The following RBKS variants were observed in gnomAD, a reference collection of about 807,000 sequenced individuals.
RBKS encodes ribokinase.
In RBKS, 33 loss-of-function variants were observed where a neutral mutation model predicts 33.9. The ratio of observed to expected loss-of-function variants is 0.97; its 90% confidence interval spans 0.74 to 1.30. RBKS has a LOEUF of 1.30. RBKS is among the 50% of genes most tolerant of loss of function. RBKS has a pLI of 0.00. For synonymous variants in RBKS, 125 were observed against 143.0 expected (o/e 0.87, Z 0.90); for missense variants, 361 against 392.6 (o/e 0.92, Z 0.68).
intron 1 of RBKS, among the ~76,000 whole-genome samples, chr2:27,860,603 T>A (rs1663956389): frequency 6.6e-6 from 1 of 152,272 alleles, no homozygotes. Flanking sequence ...TGTATATATA[T>A]ATGTGGGGGA....
intron 5 of RBKS, among the ~76,000 whole-genome samples, chr2:27,842,544 T>C (rs1235083581): frequency 6.6e-6 from 1 of 152,200 alleles, no homozygotes; most frequent in Non-Finnish European, 1.5e-5. Context: ...CCCAGTTACT[T>C]TTGTATGTAT....
intron 1 of RBKS, among the ~76,000 whole-genome samples, chr2:27,875,022 A>G (rs1159048280): frequency 6.6e-6 from 1 of 152,218 alleles, no homozygotes; most frequent in African/African-American, 2.4e-5. Context: ...AAAAATGGAC[A>G]AAGGACCCAT....
chr2:27,793,107 G>A (rs750777140), intron 7 of RBKS, among the ~76,000 whole-genome samples: 2 of 152,130 alleles, frequency 1.3e-5, no homozygotes, highest in Non-Finnish European at 2.9e-5. Flanking sequence ...CACATTAAAT[G>A]TTATTAAGAA....
chr2:27,845,785 G>A (rs1222608637), intron 4 of RBKS, among the ~76,000 whole-genome samples: 3 of 152,202 alleles, frequency 2.0e-5, no homozygotes, highest in Non-Finnish European at 4.4e-5. Context: ...AAGACACATT[G>A]TGACAAATCC....
At chr2:27,847,797 G>C (rs1189058167) in intron 3 of RBKS, among the ~76,000 whole-genome samples, 1 of 152,150 alleles carries the variant, frequency 6.6e-6, no homozygotes, top group Non-Finnish European at 1.5e-5. Context: ...CTTGTCATTT[G>C]TCACATGTTC....
rs56063622 is a variant in RBKS, at chr2:27,801,464, TACACACACAC to T, written c.796-19686_796-19677del. ...AAATGCTCTCCAAAGGGCCACAGTA[TACACACACAC>T]ACACACACACACACACACACACACA... On this transcript the variant is annotated intron_variant, in intron 7 of 7. Transcript: ENST00000302188. Among the ~76,000 whole-genome samples the T allele has an allele frequency of 1.5e-3, 201 of 136,338 alleles. 2 individuals carry two copies. In the South Asian group the frequency reaches 0.029, roughly 20 times the overall value. The allele number at this position is 136,338 out of a possible 152,430, so 89.4% of individuals were successfully genotyped here.
intron 1 of RBKS, among the ~76,000 whole-genome samples, chr2:27,881,129 G>A (rs1325499339): frequency 6.6e-6 from 1 of 152,100 alleles, no homozygotes; most frequent in African/African-American, 2.4e-5. Flanking sequence ...TGTGCCTGCG[G>A]TTCCAGCTAT....
chr2:27,814,948 T>TA (rs142921279), intron 7 of RBKS, among the ~76,000 whole-genome samples: 2,355 of 152,312 alleles, frequency 0.015, 32 homozygotes, highest in South Asian at 0.054. Flanking sequence ...CACGTACACA[T>TA]AAGCACATGA....
intron 1 of RBKS, among the ~76,000 whole-genome samples, chr2:27,868,707 T>C (rs1049620883): frequency 4.6e-5 from 7 of 152,216 alleles, no homozygotes; most frequent in Non-Finnish European, 8.8e-5. Flanking sequence ...TCGTGGTCTC[T>C]TGACACTGTT....
At chr2:27,877,233 C>A (rs1428869416) in intron 1 of RBKS, among the ~76,000 whole-genome samples, 1 of 151,858 alleles carries the variant, frequency 6.6e-6, no homozygotes, top group East Asian at 1.9e-4. Context: ...TCCCCGACAA[C>A]ACTTTACACA....
At chr2:27,830,273 T>A (rs1678395260) in intron 6 of RBKS, among the ~76,000 whole-genome samples, 1 of 152,188 alleles carries the variant, frequency 6.6e-6, no homozygotes, top group South Asian at 2.1e-4. Flanking sequence ...TTAAGCTTTT[T>A]TTTTTTGAGA....
At chr2:27,885,040 A>G (rs1664500980) in intron 1 of RBKS, among the ~76,000 whole-genome samples, 2 of 151,900 alleles carry the variant, frequency 1.3e-5, no homozygotes, top group African/African-American at 4.8e-5. Flanking sequence ...AAACTCTTGT[A>G]TCTATTTTCT....
intron 6 of RBKS, among the ~76,000 whole-genome samples, chr2:27,830,885 A>G (rs780364334): frequency 6.6e-6 from 1 of 152,180 alleles, no homozygotes; most frequent in East Asian, 1.9e-4. Flanking sequence ...AAAAGCCAAC[A>G]TGGCTTCTGT....
chr2:27,887,365 G>A (rs1273247772), intron 1 of RBKS, among the ~76,000 whole-genome samples: 1 of 152,172 alleles, frequency 6.6e-6, no homozygotes, highest in Non-Finnish European at 1.5e-5. Flanking sequence ...AGCCCAGTGA[G>A]ACCTGTATCA....
In RBKS at chr2:27,852,995, A is replaced by G. The variant is rs189055542; in HGVS notation, c.223-4898T>C. Among the ~76,000 whole-genome samples, 503 of 152,286 alleles carry G rather than the reference A, an allele frequency of 3.3e-3. 1 individual carries two copies. The highest frequency in any genetic ancestry group is 4.3e-3 in the Non-Finnish European group (292 of 68,022). On this transcript the variant is annotated intron_variant, in intron 2 of 7. Transcript: ENST00000302188. ...CATTTGTGGCCTTATAACAAAATACATAAGAAGAATATATAAAATCTCAGT... is the reference window on the plus strand; with the variant it reads ...CATTTGTGGCCTTATAACAAAATACGTAAGAAGAATATATAAAATCTCAGT...
chr2:27,785,979 A>G (rs1677390684), intron 7 of RBKS, among the ~76,000 whole-genome samples: 1 of 152,222 alleles, frequency 6.6e-6, no homozygotes, highest in Non-Finnish European at 1.5e-5. Flanking sequence ...CTTATTATGG[A>G]AAAGTATGCA....
chr2:27,785,656 G>C (rs1399827283), intron 7 of RBKS, among the ~76,000 whole-genome samples: 1 of 151,954 alleles, frequency 6.6e-6, no homozygotes, highest in African/African-American at 2.4e-5. Flanking sequence ...CCAGCCACTT[G>C]GGAGGCTGAG....
At chr2:27,819,338 G>C (rs1366609620) in intron 7 of RBKS, among the ~76,000 whole-genome samples, 1 of 152,078 alleles carries the variant, frequency 6.6e-6, no homozygotes, top group Non-Finnish European at 1.5e-5. Context: ...ATCGAACCAG[G>C]ACCCTACCCC....
At chr2:27,808,336 T>G (rs1383787221) in intron 7 of RBKS, among the ~76,000 whole-genome samples, 1 of 152,224 alleles carries the variant, frequency 6.6e-6, no homozygotes, top group African/African-American at 2.4e-5. Context: ...GATTCTTCCT[T>G]TATTGGTACC....
Sources: allele counts gnomAD v4.1 joint callset (sites outside exome capture counted in the v4.1 genomes callset), GRCh38; gene constraint gnomAD v4.1.1; transcripts MANE v1.5; gene names NCBI Gene and HGNC (gene_info 2026-07-23, HGNC 2026-07-21).